PDS5B: variants seen among roughly 807,000 people sequenced by gnomAD.
PDS5B encodes sister chromatid cohesion protein PDS5 homolog B.
Under a neutral mutation model 184.1 loss-of-function variants are expected in PDS5B, and 51 were observed. That is an observed-to-expected ratio of 0.28 (90% confidence interval 0.22 to 0.35). The LOEUF is 0.35. PDS5B is among the 10% of genes least tolerant of loss of function. The pLI is 1.00. For synonymous variants in PDS5B, 566 were observed against 569.2 expected, an observed-to-expected ratio of 0.99 and a Z score of 0.08; for missense variants, 1,180 against 1,723.3, an observed-to-expected ratio of 0.68 and a Z score of 5.58.
At chr13:32,675,240 T>A (rs1417312897) in intron 8 of PDS5B, among the ~76,000 whole-genome samples, 3 of 152,214 alleles carry the variant, frequency 2.0e-5, no homozygotes, top group African/African-American at 7.2e-5. Flanking sequence ...TTGTTGGAAG[T>A]GCCAAAATCA....
chr13:32,703,886 G>A (rs1015740807), intron 17 of PDS5B, among the ~76,000 whole-genome samples: 7 of 151,998 alleles, frequency 4.6e-5, no homozygotes, highest in Admixed American at 3.9e-4. Flanking sequence ...TTATGTCTTG[G>A]CTAATTTTAT....
chr13:32,716,072 C>T (rs9596117), intron 19 of PDS5B, among the ~76,000 whole-genome samples: 1,794 of 151,912 alleles, frequency 0.012, 33 homozygotes, highest in African/African-American at 0.039. Flanking sequence ...AGCCTCTGCC[C>T]GGCCACCACC....
chr13:32,676,000 T>G (rs755230826), intron 9 of PDS5B, 41 bp downstream of exon 9: 1 of 1,086,168 alleles, frequency 9.2e-7, no homozygotes, highest in South Asian at 1.3e-5. Context: ...AATACATTAT[T>G]CTACTGACCG....
At chr13:32,733,654 G>A (rs1321057425) in intron 20 of PDS5B, among the ~76,000 whole-genome samples, 1 of 152,102 alleles carries the variant, frequency 6.6e-6, no homozygotes. Context: ...TGGGAGAATA[G>A]AGCACCAGTT....
chr13:32,731,987 G>C (rs1953138148), intron 19 of PDS5B, 114 bp from the exon 20 acceptor site: 1 of 778,358 alleles, frequency 1.3e-6, no homozygotes, highest in South Asian at 2.1e-5. Context: ...GTAAATCTTG[G>C]TGACTTTTTC....
chr13:32,723,041 G>T (rs1194224157), intron 19 of PDS5B, among the ~76,000 whole-genome samples: 1 of 152,184 alleles, frequency 6.6e-6, no homozygotes, highest in Non-Finnish European at 1.5e-5. Flanking sequence ...TCATGGTATT[G>T]TTGTTAAGGT....
At chr13:32,765,077 T>C (rs759733329) in intron 31 of PDS5B, among the ~76,000 whole-genome samples, 2 of 152,188 alleles carry the variant, frequency 1.3e-5, no homozygotes, top group Non-Finnish European at 2.9e-5. Flanking sequence ...TAAATCTTAA[T>C]AGAAATGATA....
intron 1 of PDS5B, among the ~76,000 whole-genome samples, chr13:32,642,956 C>T (rs115286705): frequency 0.012 from 1,818 of 152,118 alleles, 44 homozygotes; most frequent in African/African-American, 0.042. Context: ...ACCCATTTTA[C>T]GTGTTTTGCT....
At chr13:32,626,504 T>G (rs143714888) in intron 1 of PDS5B, among the ~76,000 whole-genome samples, 1 of 152,336 alleles carries the variant, frequency 6.6e-6, no homozygotes, top group Non-Finnish European at 1.5e-5. Flanking sequence ...CTTCTTTAAT[T>G]ATTGTAGTCA....
chr13:32,765,504 C>T (rs888680117), intron 31 of PDS5B, among the ~76,000 whole-genome samples: 1 of 152,182 alleles, frequency 6.6e-6, no homozygotes, highest in Admixed American at 6.5e-5. Flanking sequence ...TCCACGAGTC[C>T]AGCATTACAC....
intron 19 of PDS5B, among the ~76,000 whole-genome samples, chr13:32,715,180 C>T (rs552244565): frequency 5.9e-4 from 90 of 152,282 alleles, no homozygotes; most frequent in Non-Finnish European, 1.1e-3. Flanking sequence ...CACACAATTT[C>T]TGAAGTTAAT....
intron 15 of PDS5B, among the ~76,000 whole-genome samples, chr13:32,697,732 T>C (rs1365829232): frequency 6.6e-6 from 1 of 152,128 alleles, no homozygotes; most frequent in Non-Finnish European, 1.5e-5. Flanking sequence ...TGTTTAGAGG[T>C]GAGATCTTGC....
chr13:32,661,397 A>AAAC (rs1158576803), intron 6 of PDS5B, among the ~76,000 whole-genome samples: 8 of 150,072 alleles, frequency 5.3e-5, no homozygotes, highest in Admixed American at 5.3e-4. Context: ...AAAAAAAAAA[A>AAAC]AAAAAAAAAA....
At chr13:32,717,572 C>T (rs1952501534) in intron 19 of PDS5B, among the ~76,000 whole-genome samples, 2 of 138,058 alleles carry the variant, frequency 1.4e-5, no homozygotes, top group Non-Finnish European at 3.1e-5. Flanking sequence ...GCAGGGTCCT[C>T]TGCCTAGGAA....
At chr13:32,723,468 T>C (rs1952788615) in intron 19 of PDS5B, among the ~76,000 whole-genome samples, 1 of 152,194 alleles carries the variant, frequency 6.6e-6, no homozygotes, top group African/African-American at 2.4e-5. Context: ...GAATAAGAAA[T>C]TCTTTTTAAT....
intron 9 of PDS5B, among the ~76,000 whole-genome samples, chr13:32,677,102 T>TC (rs774757966): frequency 5.7e-4 from 87 of 152,252 alleles, no homozygotes; most frequent in Non-Finnish European, 9.8e-4. Context: ...AAAGAGGATA[T>TC]AAGTTGTGAT....
intron 7 of PDS5B, among the ~76,000 whole-genome samples, chr13:32,670,294 GCAA>G (rs983114654): frequency 6.6e-6 from 1 of 152,158 alleles, no homozygotes; most frequent in Non-Finnish European, 1.5e-5. Flanking sequence ...TTGTTACACT[GCAA>G]CCTCTGCCTC....
At chr13:32,684,090 A>C in intron 11 of PDS5B, 67 bp downstream of exon 11, 1 of 698,390 alleles carries the variant, frequency 1.4e-6, no homozygotes, top group South Asian at 3.3e-5. Flanking sequence ...CAATATTTGA[A>C]AATATATTTA....
chr13:32,723,666 G>C (rs879480092), intron 19 of PDS5B, among the ~76,000 whole-genome samples: 3 of 152,164 alleles, frequency 2.0e-5, no homozygotes, highest in Non-Finnish European at 2.9e-5. Flanking sequence ...GTTGCTGCTA[G>C]TGTGAACAAT....
Sources: gnomAD v4.1 joint callset for allele counts (sites outside exome capture counted in the v4.1 genomes callset) on GRCh38, gnomAD v4.1.1 for gene constraint, MANE v1.5 for transcripts, NCBI Gene and HGNC (gene_info 2026-07-23, HGNC 2026-07-21) for gene names.